The following SMC5 variants were observed in gnomAD, a reference collection of about 807,000 sequenced individuals.
SMC5 encodes the protein structural maintenance of chromosomes 5.
A neutral mutation model predicts 148.3 loss-of-function variants in SMC5; 88 were observed. That is an observed-to-expected ratio of 0.59 (90% CI 0.50 to 0.71). The LOEUF (loss-of-function observed/expected upper bound fraction) is 0.71, where lower values mean the gene tolerates loss of function less well. SMC5 is among the 30% of genes least tolerant of loss of function. The probability of loss-of-function intolerance (pLI) is 0.00; values close to 1 mark genes in which losing one functional copy is unlikely to be tolerated. For synonymous variants in SMC5, 421 were observed against 432.8 expected (o/e 0.97, Z 0.34); for missense variants, 1,142 against 1,298.9 (o/e 0.88, Z 1.86).
intron 6 of SMC5, 144 bp downstream of exon 6, chr9:70,281,043 CTTT>C (rs895384041): frequency 3.2e-5 from 20 of 634,784 alleles, no homozygotes; most frequent in South Asian, 4.8e-5. Context: ...AAATTCATGT[CTTT>C]TTTTTTTTTG....
intron 9 of SMC5, among the ~76,000 whole-genome samples, chr9:70,299,783 G>GT (rs890060634): frequency 2.0e-5 from 3 of 148,530 alleles, no homozygotes; most frequent in African/African-American, 5.0e-5. Context: ...TTCCTTGTGG[G>GT]TTTTTTTGTT....
At chr9:70,333,635 AC>A (rs2036281897) in intron 17 of SMC5, among the ~76,000 whole-genome samples, 1 of 152,112 alleles carries the variant, frequency 6.6e-6, no homozygotes, top group Non-Finnish European at 1.5e-5. Flanking sequence ...GGAGGCTGAG[AC>A]AGGAGGATCA....
In SMC5 at chr9:70,314,495, T is replaced by A. The variant is rs146488554; in HGVS notation, c.1579-247T>A. 3.9e-3 allele frequency among the ~76,000 whole-genome samples: 597 copies of A among 152,174 alleles called. 3 individuals carry two copies. The highest frequency in any genetic ancestry group is 0.013 in the African/African-American group (552 of 41,504). On this transcript the variant is annotated intron_variant, in intron 11 of 24. Coordinates refer to ENST00000361138, the MANE Select transcript of SMC5 (RefSeq NM_015110.4). Reference sequence around the variant, plus strand: ...TCCCTTCTGTATCATTTTGAAGTAATTCCCAGACATTCTGTTTCACCTGAA... The same window carrying A: ...TCCCTTCTGTATCATTTTGAAGTAAATCCCAGACATTCTGTTTCACCTGAA...
At chr9:70,324,219 C>T (rs2036020363) in intron 17 of SMC5, 76 bp downstream of exon 17, 8 of 1,397,970 alleles carry the variant, frequency 5.7e-6, no homozygotes, top group Non-Finnish European at 7.7e-6. Context: ...CGTGTCATCA[C>T]TAGCAATATA....
chr9:70,263,077 C>T (rs2034182100), intron 1 of SMC5, among the ~76,000 whole-genome samples: 1 of 152,106 alleles, frequency 6.6e-6, no homozygotes, highest in South Asian at 2.1e-4. Flanking sequence ...TCTTAAATAC[C>T]AGTTTCATCG....
rs200904880 is a variant in SMC5 at position 70,347,983 on chromosome 9, A to G, written c.2834A>G (p.Asn945Ser). The G allele has an allele frequency of 4.6e-5, 74 of 1,607,920 alleles. 1 individual carries two copies. The East Asian group carries it at 1.3e-3, about 29-fold the overall frequency. ...GAAAAAATTAATGAAAAATTCAGCA[A>G]TTTTTTTAGTTCCATGCAGTGTGCT... is the stretch of plus-strand genomic sequence containing the variant. ...LVEKINEKFS[N>S]FFSSMQCAGE... The change falls in exon 22 of 25, where the codon AAT becomes AGT. Residue 945 changes from asparagine to serine, a missense_variant. By Grantham distance (46) the Asn-to-Ser change is conservative. This residue lies in a region of SMC5 where 743 missense variants were observed against 835.7 expected (regional missense o/e 0.89). Transcript: ENST00000361138.
In SMC5 at chr9:70,276,376, A is replaced by G. The variant is rs2034592402; in HGVS notation, c.381-934A>G. Among the ~76,000 whole-genome samples the G allele has an allele frequency of 3.3e-5, 5 of 152,346 alleles. No individual in the cohort carries two copies. The South Asian group carries it at 1.0e-3, about 32-fold the overall frequency. ...ACTCTGGGTTTTCACCTATACTATG[A>G]TGTTAGCCAGAATTCCTTACTTTCA... On this transcript the variant is annotated intron_variant, in intron 3 of 24. Transcript: ENST00000361138.
chr9:70,308,872 A>G (rs1426712634), intron 11 of SMC5, among the ~76,000 whole-genome samples: 1 of 152,112 alleles, frequency 6.6e-6, no homozygotes, highest in East Asian at 1.9e-4. Flanking sequence ...CTGTGACACT[A>G]TTGAATTTAC....
intron 15 of SMC5, among the ~76,000 whole-genome samples, chr9:70,321,863 G>GT (rs1286012683): frequency 6.6e-6 from 1 of 152,052 alleles, no homozygotes; most frequent in Non-Finnish European, 1.5e-5. Context: ...CAGTTTCAAG[G>GT]TTTTTTCCAT....
intron 18 of SMC5, chr9:70,346,353 T>A: frequency 1.9e-6 from 1 of 517,620 alleles, no homozygotes; most frequent in Non-Finnish European, 3.4e-6. Flanking sequence ...TTTTGTACCA[T>A]GTAGTATATA....
At chr9:70,314,220 C>G (rs1365185707) in intron 11 of SMC5, among the ~76,000 whole-genome samples, 1 of 152,202 alleles carries the variant, frequency 6.6e-6, no homozygotes, top group African/African-American at 2.4e-5. Flanking sequence ...CTGCAGCTTT[C>G]TACCAGAATT....
intron 17 of SMC5, among the ~76,000 whole-genome samples, chr9:70,324,519 A>G (rs150772969): frequency 0.01 from 1,596 of 152,316 alleles, 16 homozygotes; most frequent in African/African-American, 0.015. Flanking sequence ...CTAGAATAAT[A>G]TAACAACAAA....
At chr9:70,325,804 G>A (rs2036062836) in intron 17 of SMC5, among the ~76,000 whole-genome samples, 1 of 152,022 alleles carries the variant, frequency 6.6e-6, no homozygotes, top group Admixed American at 6.6e-5. Flanking sequence ...TAGATGTTTT[G>A]GGAGAGGAAA....
chr9:70,345,112 A>G (rs1413664579), intron 18 of SMC5, among the ~76,000 whole-genome samples: 1 of 152,182 alleles, frequency 6.6e-6, no homozygotes, highest in Non-Finnish European at 1.5e-5. Flanking sequence ...GCTTGTTTCT[A>G]AAAACAGTAG....
In SMC5 at chr9:70,267,963, T is replaced by C; in HGVS notation, c.368T>C (p.Val123Ala). ...AAGAGAGGATGTTCTAGAGGCATGG[T>C]TGAAATTGAATTGTAAGTGTTAAAA... ...FVKRGCSRGM[V>A]EIELFRASGN... Residue 123 changes from valine (V) to alanine (A), a missense_variant, in exon 3 of 25, where the codon GTT becomes GCT. Around this residue, in one of 5 missense-constraint regions of SMC5, gnomAD observed 297 missense variants for 302.6 expected, o/e 0.98. Transcript: ENST00000361138. 1.2e-6 allele frequency: 2 copies of C among 1,612,868 alleles called. No homozygotes were observed. Among genetic ancestry groups the C allele is most frequent in the Non-Finnish European group, 8.5e-7 (1 of 1,179,618 alleles).
intron 6 of SMC5, among the ~76,000 whole-genome samples, chr9:70,281,779 C>T (rs2034756223): frequency 6.6e-6 from 1 of 151,886 alleles, no homozygotes; most frequent in East Asian, 1.9e-4. Flanking sequence ...TTCCTGTGTC[C>T]ATTATTACTG....
chr9:70,344,210 A>T lies in SMC5; in HGVS notation c.2464A>T (p.Arg822Ter). 1 of 1,558,960 alleles carries T rather than the reference A, an allele frequency of 6.4e-7. No individual in the cohort carries two copies. The highest frequency in any genetic ancestry group is 8.7e-7 in the Non-Finnish European group (1 of 1,150,768). Reference sequence around the variant, plus strand: ...GCAGAAATGCAAGGAACTTATGAAAAGAGCTAGGCAAGTATGTAACCTGGG... The same window carrying T: ...GCAGAAATGCAAGGAACTTATGAAATGAGCTAGGCAAGTATGTAACCTGGG... The part of the protein sequence containing the change: ...LLQKCKELMK[R>*]ARQVCNLGAE... Residue 822 changes from arginine (R) to a stop codon, truncating the protein, a stop_gained, in exon 18 of 25, where the codon AGA becomes TGA. Coordinates refer to ENST00000361138, the MANE Select transcript of SMC5 (RefSeq NM_015110.4). LOFTEE classifies it high-confidence loss of function.
intron 18 of SMC5, among the ~76,000 whole-genome samples, chr9:70,345,836 G>A (rs2036652398): frequency 6.6e-6 from 1 of 152,122 alleles, no homozygotes; most frequent in African/African-American, 2.4e-5. Context: ...AAGAATGGAA[G>A]CAGTGAAACC....
At chr9:70,261,709 T>C (rs185329013) in intron 1 of SMC5, among the ~76,000 whole-genome samples, 1 of 152,230 alleles carries the variant, frequency 6.6e-6, no homozygotes, top group Non-Finnish European at 1.5e-5. Context: ...GAATTATGAA[T>C]TGAAGAACTA....
Sources: allele counts gnomAD v4.1 joint callset (sites outside exome capture counted in the v4.1 genomes callset), GRCh38; gene constraint gnomAD v4.1.1; regional missense constraint gnomAD v4.1.1; transcripts MANE v1.5; gene names NCBI Gene and HGNC (gene_info 2026-07-23, HGNC 2026-07-21).